Variants in TM9SF4 observed in about 807,000 individuals in gnomAD.
TM9SF4 encodes dinucleotide oxidase disulfide thiol exchanger 3 superfamily member 4.
A neutral mutation model predicts 90.4 loss-of-function variants in TM9SF4; 26 were observed. That is an observed-to-expected ratio of 0.29 (90% confidence interval 0.21 to 0.40). The LOEUF (loss-of-function observed/expected upper bound fraction) is 0.40, where lower values mean the gene tolerates loss of function less well. TM9SF4 is among the 10% of genes least tolerant of loss of function. The probability of loss-of-function intolerance (pLI) is 1.00; values close to 1 mark genes in which losing one functional copy is unlikely to be tolerated. For missense variants in TM9SF4, 549 were observed against 834.8 expected (o/e 0.66, Z 4.22); for synonymous variants, 293 against 315.4 (o/e 0.93, Z 0.75).
chr20:32,148,958 C>T (rs768420733), intron 9 of TM9SF4, among the ~76,000 whole-genome samples: 144 of 152,330 alleles, frequency 9.5e-4, no homozygotes, highest in Non-Finnish European at 1.7e-3. Flanking sequence ...GCGTGAGCCA[C>T]CGCGCCCAGC....
At chr20:32,112,693 C>CA (rs11406793) in intron 1 of TM9SF4, among the ~76,000 whole-genome samples, 69,319 of 121,336 alleles carry the variant, frequency 0.57, 19,436 homozygotes, top group East Asian at 0.8. Context: ...GACCCTATCT[C>CA]AAAAAAAAAA....
chr20:32,157,440 G>C (rs571830377), intron 13 of TM9SF4, among the ~76,000 whole-genome samples: 1 of 152,340 alleles, frequency 6.6e-6, no homozygotes, highest in East Asian at 1.9e-4. Context: ...ACTTTGTACA[G>C]TGTTGTTTTT....
chr20:32,150,490 G>A, intron 10 of TM9SF4, 132 bp from the exon 11 acceptor site: 1 of 981,850 alleles, frequency 1.0e-6, no homozygotes, highest in Non-Finnish European at 1.6e-6. Flanking sequence ...AGACAAGGGA[G>A]GGGGAGCCTC....
At chr20:32,148,000 T>C (rs1051853800) in intron 9 of TM9SF4, among the ~76,000 whole-genome samples, 41 of 151,972 alleles carry the variant, frequency 2.7e-4, no homozygotes, top group African/African-American at 9.7e-4. Flanking sequence ...TAGTTCCAGC[T>C]ACTCGGGATG....
chr20:32,145,244 A>G (rs1357343012), intron 7 of TM9SF4, 35 bp downstream of exon 7: 2 of 1,613,134 alleles, frequency 1.2e-6, no homozygotes, highest in Admixed American at 1.7e-5. Context: ...GCAGGGGAGG[A>G]GGGCTCTGGT....
At chr20:32,113,351 A>G (rs1415445791) in intron 1 of TM9SF4, among the ~76,000 whole-genome samples, 1 of 152,146 alleles carries the variant, frequency 6.6e-6, no homozygotes, top group Admixed American at 6.5e-5. Context: ...CTCCCTCCAT[A>G]GAAGATAGCT....
intron 3 of TM9SF4, among the ~76,000 whole-genome samples, chr20:32,140,763 T>C (rs1416539310): frequency 2.0e-5 from 3 of 152,096 alleles, no homozygotes; most frequent in African/African-American, 7.2e-5. Flanking sequence ...AATGCTGCCC[T>C]CACACAGGGC....
chr20:32,123,866 A>ATATATATATTTTTTTTTTTTT lies in TM9SF4; in HGVS notation c.16-9146_16-9145insATATATATTTTTTTTTTTTTT. Among the ~76,000 whole-genome samples, 307 of 93,822 alleles carry ATATATATATTTTTTTTTTTTT rather than the reference A, an allele frequency of 3.3e-3. 8 individuals carry two copies. Among genetic ancestry groups the ATATATATATTTTTTTTTTTTT allele is most frequent in the South Asian group, 0.019 (54 of 2,872 alleles). The allele number at this position is 93,822 out of a possible 152,430, so 61.6% of individuals were successfully genotyped here. On this transcript the variant is annotated intron_variant, in intron 1 of 17. Transcript: ENST00000398022. Reference sequence around the variant, plus strand: ...CTCTCATATATATATATATATATATATTTTTTTTTTTAAAGAGATAGGGTC... The same window carrying ATATATATATTTTTTTTTTTTT: ...CTCTCATATATATATATATATATATATATATATATTTTTTTTTTTTTTTTTTTTTTTTAAAGAGATAGGGTC...
At chr20:32,134,050 A>G (rs2046559663) in intron 2 of TM9SF4, among the ~76,000 whole-genome samples, 1 of 151,644 alleles carries the variant, frequency 6.6e-6, no homozygotes, top group East Asian at 1.9e-4. Context: ...TTGGGCTCAA[A>G]CAGTTCTCAT....
intron 1 of TM9SF4, among the ~76,000 whole-genome samples, chr20:32,123,106 C>T (rs1350629818): frequency 2.1e-5 from 3 of 142,222 alleles, no homozygotes; most frequent in Non-Finnish European, 3.1e-5. Flanking sequence ...TGCAGTGAGC[C>T]GAGATGGCAG....
chr20:32,123,866 A>ATATATATATATT, intron 1 of TM9SF4, among the ~76,000 whole-genome samples: 39 of 93,958 alleles, frequency 4.2e-4, no homozygotes, highest in East Asian at 2.2e-3. Context: ...ATATATATAT[A>ATATATATATATT]TTTTTTTTTT....
chr20:32,155,229 A>T, intron 13 of TM9SF4, 43 bp downstream of exon 13: 1 of 1,529,036 alleles, frequency 6.5e-7, no homozygotes, highest in Non-Finnish European at 9.1e-7. Context: ...CCAGCAAGCG[A>T]GGACCAGTTG....
rs1161696139 is a variant in TM9SF4, at chr20:32,163,260, AAAAAAAAAATATATAT to A, written c.1779+1897_1779+1912del. The stretch of plus-strand genomic sequence containing the variant: ...GACTCCATCTCAAAAAAAAAAAAAA[AAAAAAAAAATATATAT>A]ATATATATATATATATATATGTATG... On this transcript the variant is annotated intron_variant, in intron 17 of 17. Transcript: ENST00000398022. Among the ~76,000 whole-genome samples, 74 of 104,524 alleles carry A rather than the reference AAAAAAAAAATATATAT, an allele frequency of 7.1e-4. 1 individual carries two copies. Among genetic ancestry groups the A allele is most frequent in the Admixed American group, 1.5e-3 (14 of 9,272 alleles). 68.6% of individuals were successfully genotyped at this position (104,524 alleles called of 152,430 possible). A position where few individuals can be genotyped will look rare whatever the true frequency, so the allele number is the denominator to read the frequency against.
intron 1 of TM9SF4, among the ~76,000 whole-genome samples, chr20:32,121,993 C>G (rs1401971138): frequency 7.0e-6 from 1 of 143,560 alleles, no homozygotes; most frequent in Non-Finnish European, 1.5e-5. Context: ...ACCCCCCCAC[C>G]TCCCTCCCGG....
At chr20:32,152,112 C>T (rs866352728) in intron 12 of TM9SF4, among the ~76,000 whole-genome samples, 59 of 151,868 alleles carry the variant, frequency 3.9e-4, no homozygotes, top group African/African-American at 1.3e-3. Flanking sequence ...CCTCATGATC[C>T]GCCCGCCTCG....
rs566574255 is a variant in TM9SF4, at chr20:32,157,567, G to C, written c.1330-227G>C. Reference sequence around the variant, plus strand: ...CTCCCCTACTTCCTCCCTGGATGGTGAGCTCCTCTGGGATGCTGAGGTGCC... The same window carrying C: ...CTCCCCTACTTCCTCCCTGGATGGTCAGCTCCTCTGGGATGCTGAGGTGCC... On this transcript the variant is annotated intron_variant, in intron 13 of 17. Transcript: ENST00000398022. 4.6e-5 allele frequency among the ~76,000 whole-genome samples: 7 copies of C among 152,242 alleles called. No homozygotes were observed. In the East Asian group the frequency reaches 1.4e-3, roughly 29 times the overall value.
chr20:32,129,926 C>G (rs913852274), intron 1 of TM9SF4, among the ~76,000 whole-genome samples: 2 of 152,148 alleles, frequency 1.3e-5, no homozygotes, highest in African/African-American at 4.8e-5. Context: ...GGTGAACACC[C>G]TTTCATGTAT....
chr20:32,116,855 CCTTTTT>C (rs764299684), intron 1 of TM9SF4, among the ~76,000 whole-genome samples: 12 of 119,810 alleles, frequency 1.0e-4, no homozygotes, highest in African/African-American at 3.3e-4. Context: ...CCTCCTTTTT[CCTTTTT>C]CTTTTTTTTT....
Position 32,161,889 on chromosome 20 carries a change from A to C in TM9SF4, c.1779+524A>C, listed in dbSNP as rs73906763. On this transcript the variant is annotated intron_variant, in intron 17 of 17. Transcript: ENST00000398022. ...CTGTTCAATCCTGCAGAGTAAGGAG[A>C]GGATGGGAAAGTTTTTCACAGGCAC... Among the ~76,000 whole-genome samples, 1,347 of 152,228 alleles carry C rather than the reference A, an allele frequency of 8.8e-3. 26 individuals carry two copies. The highest frequency in any genetic ancestry group is 0.031 in the African/African-American group (1,276 of 41,526).
Sources: allele counts gnomAD v4.1 joint callset (sites outside exome capture counted in the v4.1 genomes callset), GRCh38; gene constraint gnomAD v4.1.1; transcripts MANE v1.5; gene names NCBI Gene and HGNC (gene_info 2026-07-23, HGNC 2026-07-21).